Variants in SYNE2 observed in about 807,000 individuals in gnomAD.
SYNE2 encodes the protein spectrin repeat containing nuclear envelope protein 2.
A neutral mutation model predicts 856.3 loss-of-function variants in SYNE2; 431 were observed. The observed-to-expected ratio is 0.50, with a 90% confidence interval of 0.47 to 0.55. The LOEUF (loss-of-function observed/expected upper bound fraction) is 0.55. Ranked by LOEUF, SYNE2 falls within the 20% of genes least tolerant of loss-of-function variation. SYNE2 has a pLI of 0.00. For synonymous variants in SYNE2, 2,923 were observed against 2,872.3 expected (o/e 1.02, Z -0.56); for missense variants, 8,129 against 8,023.2 (o/e 1.01, Z -0.50).
intron 1 of SYNE2, among the ~76,000 whole-genome samples, chr14:63,908,549 A>G (rs2095435871): frequency 6.6e-6 from 1 of 152,240 alleles, no homozygotes; most frequent in Non-Finnish European, 1.5e-5. Context: ...AGCCTTTGGG[A>G]AAATAATTCA....
intron 1 of SYNE2, among the ~76,000 whole-genome samples, chr14:63,894,191 C>T (rs895603321): frequency 1.3e-5 from 2 of 150,010 alleles, no homozygotes; most frequent in Non-Finnish European, 3.0e-5. Context: ...TTTTAATGTG[C>T]TGGCATTTTA....
chr14:64,137,543 A>T (rs1385775321), intron 78 of SYNE2, among the ~76,000 whole-genome samples: 3 of 152,138 alleles, frequency 2.0e-5, no homozygotes, highest in African/African-American at 4.8e-5. Context: ...GAGCCACTGC[A>T]TCCAGCCAGT....
intron 21 of SYNE2, 85 bp from the exon 22 acceptor site, chr14:63,993,750 T>C: frequency 7.9e-7 from 1 of 1,265,470 alleles, no homozygotes; most frequent in Non-Finnish European, 1.1e-6. Flanking sequence ...GTTAAAGACA[T>C]ACCAAAATTA....
chr14:63,945,765 C>T (rs1414942411), intron 6 of SYNE2, among the ~76,000 whole-genome samples: 2 of 152,132 alleles, frequency 1.3e-5, no homozygotes, highest in African/African-American at 2.4e-5. Flanking sequence ...GCTGGAATTA[C>T]AGGTGTGTGT....
rs1490469498 is a variant in SYNE2 at position 63,800,231 on chromosome 14, G to A, written c.-305+38245G>A. Among the ~76,000 whole-genome samples the A allele has an allele frequency of 1.8e-4, 26 of 148,424 alleles. No individual in the cohort carries two copies. The Admixed American group carries it at 1.8e-3, about 10-fold the overall frequency. Reference sequence around the variant, plus strand: ...AGAAAGTATAATAATAGGTTTTTTGGTTTTTTTTTTGAGACGGAGTCTCCT... The same window carrying A: ...AGAAAGTATAATAATAGGTTTTTTGATTTTTTTTTTGAGACGGAGTCTCCT... On this transcript the variant is annotated intron_variant, in intron 1 of 23. Transcript: ENST00000674003.
chr14:63,766,865 G>T (rs1447270052), intron 1 of SYNE2, among the ~76,000 whole-genome samples: 1 of 152,220 alleles, frequency 6.6e-6, no homozygotes, highest in South Asian at 2.1e-4. Context: ...AGTGAATGAC[G>T]TTGGGATTGA....
intron 1 of SYNE2, among the ~76,000 whole-genome samples, chr14:63,819,818 G>A (rs1418215126): frequency 4.9e-3 from 1 of 204 alleles, no homozygotes; most frequent in Non-Finnish European, 8.1e-3. Flanking sequence ...TTACAGGCGT[G>A]AGCACCGCAT....
chr14:63,994,340 T>G (rs904145605), intron 22 of SYNE2, among the ~76,000 whole-genome samples: 5 of 152,232 alleles, frequency 3.3e-5, no homozygotes, highest in Non-Finnish European at 7.3e-5. Flanking sequence ...TATTGAAATG[T>G]GTAATTAATG....
intron 104 of SYNE2, 47 bp from the exon 105 acceptor site, chr14:64,212,764 C>T (rs1275173922): frequency 2.5e-6 from 4 of 1,579,258 alleles, no homozygotes; most frequent in African/African-American, 1.3e-5. Flanking sequence ...GCAGTGGAAG[C>T]TCAGGGTAAC....
chr14:64,015,075 G>GTA lies in SYNE2; in HGVS notation c.4729-1387_4729-1386dup, dbSNP rs1464076604. On this transcript the variant is annotated intron_variant, in intron 32 of 115. Coordinates refer to ENST00000555002, the MANE Select transcript of SYNE2 (RefSeq NM_182914.3). ...TATATAAATATATATGTGTATATAT[G>GTA]TATATATATATAACGTGTATATATA... 2.2e-3 allele frequency among the ~76,000 whole-genome samples: 316 copies of GTA among 141,032 alleles called. 2 individuals are homozygous for GTA. Among genetic ancestry groups the GTA allele is most frequent in the Non-Finnish European group, 2.8e-3 (186 of 65,748 alleles). 92.5% of individuals were successfully genotyped at this position (141,032 alleles called of 152,430 possible).
At chr14:63,862,781 AGTTTTGTTTTTTTTTTGTTTT>A (rs1894087754) in intron 1 of SYNE2, among the ~76,000 whole-genome samples, 1 of 150,070 alleles carries the variant, frequency 6.7e-6, no homozygotes, top group Non-Finnish European at 1.5e-5. Context: ...GTTTTGGGGC[AGTTTTGTTTTTTTTTTGTTTT>A]GTTTTGTTTT....
At chr14:63,863,343 C>G (rs756251586) in intron 1 of SYNE2, among the ~76,000 whole-genome samples, 5 of 152,124 alleles carry the variant, frequency 3.3e-5, no homozygotes, top group Non-Finnish European at 5.9e-5. Context: ...GATTTACAGA[C>G]ATACCACCTG....
At chr14:63,911,926 G>C (rs376531137) in intron 2 of SYNE2, among the ~76,000 whole-genome samples, 5 of 152,306 alleles carry the variant, frequency 3.3e-5, no homozygotes, top group Admixed American at 6.5e-5. Context: ...TTGGAGAGTA[G>C]TATGGACTGT....
intron 1 of SYNE2, among the ~76,000 whole-genome samples, chr14:63,776,319 G>A (rs1027680706): frequency 3.9e-5 from 6 of 152,122 alleles, no homozygotes; most frequent in Non-Finnish European, 7.3e-5. Flanking sequence ...AGCTGCACAC[G>A]TGCCTTTGAA....
At chr14:63,896,599 C>A (rs1402499846) in intron 1 of SYNE2, among the ~76,000 whole-genome samples, 2 of 152,160 alleles carry the variant, frequency 1.3e-5, no homozygotes, top group Non-Finnish European at 2.9e-5. Flanking sequence ...AAAATCATTA[C>A]CCTCATTTAA....
chr14:63,856,995 C>CCTGG (rs1891954323), intron 1 of SYNE2, among the ~76,000 whole-genome samples: 1 of 152,152 alleles, frequency 6.6e-6, no homozygotes, highest in Admixed American at 6.5e-5. Flanking sequence ...GTCTCCAACT[C>CCTGG]CTGGCCTCAA....
At chr14:63,837,918 C>CA (rs34952817) in intron 1 of SYNE2, among the ~76,000 whole-genome samples, 2,350 of 62,008 alleles carry the variant, frequency 0.038, 171 homozygotes, top group Non-Finnish European at 0.043. Context: ...GACTCTGTTT[C>CA]AAAAAAAAAA....
intron 6 of SYNE2, among the ~76,000 whole-genome samples, chr14:63,945,201 A>G (rs2153423328): frequency 6.7e-6 from 1 of 149,642 alleles, no homozygotes; most frequent in Middle Eastern, 3.4e-3. Context: ...GGTCTTAAGT[A>G]TAGAGTTTGA....
intron 1 of SYNE2, among the ~76,000 whole-genome samples, chr14:63,899,454 G>A (rs1373386616): frequency 1.3e-5 from 2 of 152,116 alleles, no homozygotes; most frequent in Non-Finnish European, 2.9e-5. Context: ...CACCTGCCTT[G>A]GCCTCCCAAA....
Sources: gnomAD v4.1 joint callset for allele counts (sites outside exome capture counted in the v4.1 genomes callset) on GRCh38, gnomAD v4.1.1 for gene constraint, MANE v1.5 for transcripts, NCBI Gene and HGNC (gene_info 2026-07-23, HGNC 2026-07-21) for gene names.